PIP5K1B: variants seen among roughly 807,000 people sequenced by gnomAD.
PIP5K1B encodes phosphatidylinositol-4-phosphate 5-kinase type 1 beta.
Under a neutral mutation model 67.0 loss-of-function variants are expected in PIP5K1B, and 42 were observed. That is an observed-to-expected ratio of 0.63 (90% CI 0.49 to 0.81). The LOEUF (loss-of-function observed/expected upper bound fraction) is 0.81. Among genes scored for constraint, PIP5K1B ranks in the 30% least tolerant of loss-of-function variants. The pLI, the probability that PIP5K1B is intolerant of heterozygous loss-of-function variation, is 0.00. For synonymous variants in PIP5K1B, 214 were observed against 231.4 expected (o/e 0.92, Z 0.68); for missense variants, 459 against 646.3 (o/e 0.71, Z 3.14).
intron 5 of PIP5K1B, among the ~76,000 whole-genome samples, chr9:68,864,452 A>C (rs1445247621): frequency 6.6e-6 from 1 of 152,244 alleles, no homozygotes; most frequent in Admixed American, 6.5e-5. Flanking sequence ...TTCCTCGAGA[A>C]AACATGGATA....
chr9:68,825,924 G>A (rs1287474885), intron 4 of PIP5K1B, among the ~76,000 whole-genome samples: 1 of 152,170 alleles, frequency 6.6e-6, no homozygotes, highest in Non-Finnish European at 1.5e-5. Context: ...TGTTATTAGG[G>A]AACACTCAGT....
At position 68,997,463 on chromosome 9, in the gene PIP5K1B, G is replaced by A. The variant is rs10511960; in HGVS notation, c.1620+6206G>A. On this transcript the variant is annotated intron_variant, in intron 15 of 15. Transcript: ENST00000265382. ...CCCTACCAACCAAAGATGCTGCTCG[G>A]GTTTTTGGTAGATTTTAGTGAGAGC... is the stretch of plus-strand genomic sequence containing the variant. 4.1e-3 allele frequency among the ~76,000 whole-genome samples: 619 copies of A among 152,148 alleles called. 3 individuals carry two copies. Among genetic ancestry groups the A allele is most frequent in the Non-Finnish European group, 4.8e-3 (326 of 67,982 alleles).
intron 1 of PIP5K1B, among the ~76,000 whole-genome samples, chr9:68,723,179 TGAGAGAGAGAGAGAGAGAGGGA>T (rs988517915): frequency 6.0e-5 from 7 of 116,910 alleles, no homozygotes; most frequent in Non-Finnish European, 1.1e-4. Flanking sequence ...TGTGTGTGTG[TGAGAGAGAGAGAGAGAGAGGGA>T]GAGAGAGAGA....
chr9:68,813,675 A>G (rs1833283422), intron 2 of PIP5K1B, among the ~76,000 whole-genome samples: 1 of 152,206 alleles, frequency 6.6e-6, no homozygotes, highest in Admixed American at 6.5e-5. Context: ...ACCTAGTATA[A>G]CTGGTGTTCT....
intron 2 of PIP5K1B, among the ~76,000 whole-genome samples, chr9:68,808,291 A>G (rs1832976954): frequency 6.6e-6 from 1 of 152,230 alleles, no homozygotes. Flanking sequence ...ATTATCCCAG[A>G]TGTGACTGGG....
intron 8 of PIP5K1B, among the ~76,000 whole-genome samples, chr9:68,915,866 C>T (rs557842367): frequency 1.2e-4 from 19 of 152,308 alleles, no homozygotes; most frequent in African/African-American, 4.3e-4. Flanking sequence ...GGCAAAGATG[C>T]CTGTAATACA....
At chr9:68,859,118 C>G (rs1822927802) in intron 4 of PIP5K1B, among the ~76,000 whole-genome samples, 1 of 152,230 alleles carries the variant, frequency 6.6e-6, no homozygotes, top group Non-Finnish European at 1.5e-5. Context: ...AGACCAAGTT[C>G]ATCTCCTGGA....
At chr9:68,711,812 A>G (rs1244786683) in intron 1 of PIP5K1B, among the ~76,000 whole-genome samples, 1 of 152,216 alleles carries the variant, frequency 6.6e-6, no homozygotes, top group Non-Finnish European at 1.5e-5. Flanking sequence ...GAAAGTATTC[A>G]GTAAGCGTAG....
At chr9:68,788,462 A>T in intron 2 of PIP5K1B, 1 of 186,600 alleles carries the variant, frequency 5.4e-6, no homozygotes, top group South Asian at 6.4e-5. Context: ...TTAGAGGAAG[A>T]TATCAGGAAG....
At chr9:68,778,851 AACTC>A (rs1172536551) in intron 2 of PIP5K1B, among the ~76,000 whole-genome samples, 3 of 152,092 alleles carry the variant, frequency 2.0e-5, no homozygotes, top group Admixed American at 6.5e-5. Flanking sequence ...TAACTCATCA[AACTC>A]ATGGCTGCCT....
At chr9:68,879,334 G>A (rs1824056702) in intron 6 of PIP5K1B, among the ~76,000 whole-genome samples, 1 of 152,132 alleles carries the variant, frequency 6.6e-6, no homozygotes, top group South Asian at 2.1e-4. Context: ...TCAGGAGGCC[G>A]AGGTGGGAAG....
chr9:68,764,302 A>G (rs907017020), intron 2 of PIP5K1B, among the ~76,000 whole-genome samples: 4 of 151,826 alleles, frequency 2.6e-5, no homozygotes, highest in Non-Finnish European at 4.4e-5. Flanking sequence ...AGTCAGTTCA[A>G]CCCATCCACT....
intron 12 of PIP5K1B, among the ~76,000 whole-genome samples, chr9:68,934,019 A>G (rs12001018): frequency 0.025 from 3,771 of 152,282 alleles, 122 homozygotes; most frequent in African/African-American, 0.077. Flanking sequence ...ACTGCCAAAA[A>G]CATATTCAGG....
At chr9:68,761,455 G>GT (rs749302044) in intron 2 of PIP5K1B, among the ~76,000 whole-genome samples, 57 of 152,084 alleles carry the variant, frequency 3.7e-4, no homozygotes, top group Non-Finnish European at 7.5e-4. Flanking sequence ...TATTGCTGCT[G>GT]TAACAAATTT....
intron 2 of PIP5K1B, 147 bp from the exon 3 acceptor site, chr9:68,818,314 A>G (rs1833555391): frequency 6.6e-6 from 1 of 152,124 alleles, no homozygotes; most frequent in African/African-American, 2.4e-5. Context: ...CTTGCTCTCC[A>G]TGTTTATTTT....
chr9:68,808,548 A>G (rs980771238), intron 2 of PIP5K1B, among the ~76,000 whole-genome samples: 3 of 152,240 alleles, frequency 2.0e-5, no homozygotes, highest in African/African-American at 7.2e-5. Context: ...TGAAAGCAAC[A>G]CATCCGTCAT....
At position 68,778,040 on chromosome 9, in the gene PIP5K1B, C is replaced by G. The variant is rs569667457; in HGVS notation, c.-86+35383C>G. Among the ~76,000 whole-genome samples, 16 of 152,338 alleles carry G rather than the reference C, an allele frequency of 1.1e-4. No homozygotes were observed. The South Asian group carries it at 3.3e-3, about 32-fold the overall frequency. ...CCCAAATCCATCTCCTTCTGCCTTT[C>G]CCAACTTTGGTTTTAGACCTTTGTT... On this transcript the variant is annotated intron_variant, in intron 2 of 15. Transcript: ENST00000265382.
At chr9:68,857,984 T>C (rs768560514) in intron 4 of PIP5K1B, among the ~76,000 whole-genome samples, 2 of 151,654 alleles carry the variant, frequency 1.3e-5, no homozygotes, top group Non-Finnish European at 2.9e-5. Flanking sequence ...GTTGTTGTTG[T>C]TGTTGTTAAG....
chr9:68,884,708 A>AT (rs1824378824), intron 6 of PIP5K1B, among the ~76,000 whole-genome samples: 1 of 151,658 alleles, frequency 6.6e-6, no homozygotes, highest in Non-Finnish European at 1.5e-5. Flanking sequence ...CAGTAGATAC[A>AT]TTAAAAAATG....
Sources: gnomAD v4.1 joint callset for allele counts (sites outside exome capture counted in the v4.1 genomes callset) on GRCh38, gnomAD v4.1.1 for gene constraint, MANE v1.5 for transcripts, NCBI Gene and HGNC (gene_info 2026-07-23, HGNC 2026-07-21) for gene names.